The following MACROD2 variants were observed in gnomAD, a reference collection of about 807,000 sequenced individuals.
MACROD2 encodes mono-ADP ribosylhydrolase 2, also known as ADP-ribose glycohydrolase MACROD2.
Under a neutral mutation model 70.4 loss-of-function variants are expected in MACROD2, and 36 were observed. The observed-to-expected ratio is 0.51, with a 90% CI of 0.39 to 0.68. MACROD2 has a LOEUF of 0.68. MACROD2 is among the 30% of genes least tolerant of loss of function. The pLI is 0.00. For synonymous variants in MACROD2, 172 were observed against 178.8 expected (o/e 0.96, Z 0.30); for missense variants, 496 against 538.4 (o/e 0.92, Z 0.78).
chr20:13,997,788 A>C (rs1057167472), intron 1 of MACROD2, among the ~76,000 whole-genome samples: 2 of 152,190 alleles, frequency 1.3e-5, no homozygotes, highest in Non-Finnish European at 2.9e-5. Context: ...CGATACGAAG[A>C]CTTTAATGCA....
chr20:15,648,723 A>ATGGG (rs747562812), intron 8 of MACROD2, among the ~76,000 whole-genome samples: 2 of 149,076 alleles, frequency 1.3e-5, no homozygotes, highest in African/African-American at 4.9e-5. Flanking sequence ...TGGATGGTGG[A>ATGGG]TGGATGGATG....
chr20:15,173,838 T>C (rs572219017), intron 5 of MACROD2, among the ~76,000 whole-genome samples: 1 of 152,330 alleles, frequency 6.6e-6, no homozygotes, highest in Non-Finnish European at 1.5e-5. Context: ...TTACCCCTCA[T>C]GAACTCAAAG....
At chr20:15,580,221 A>G (rs2048504921) in intron 8 of MACROD2, among the ~76,000 whole-genome samples, 1 of 152,186 alleles carries the variant, frequency 6.6e-6, no homozygotes, top group South Asian at 2.1e-4. Flanking sequence ...AAATTTGCCA[A>G]TCTACCTGCA....
At chr20:15,472,033 T>G (rs1242798769) in intron 7 of MACROD2, among the ~76,000 whole-genome samples, 1 of 152,220 alleles carries the variant, frequency 6.6e-6, no homozygotes, top group Admixed American at 6.5e-5. Flanking sequence ...ACATTTACTG[T>G]TTTTACCATC....
At chr20:14,464,377 G>A (rs904645425) in intron 3 of MACROD2, among the ~76,000 whole-genome samples, 3 of 152,062 alleles carry the variant, frequency 2.0e-5, no homozygotes, top group Non-Finnish European at 2.9e-5. Flanking sequence ...GATCAGTGGT[G>A]ATATCCCCTT....
At chr20:14,470,578 A>C (rs569697529) in intron 3 of MACROD2, among the ~76,000 whole-genome samples, 1 of 151,442 alleles carries the variant, frequency 6.6e-6, no homozygotes, top group East Asian at 1.9e-4. Flanking sequence ...TTATCTATAA[A>C]CCCCTGACTG....
At chr20:15,578,816 G>A (rs1437553209) in intron 8 of MACROD2, among the ~76,000 whole-genome samples, 1 of 152,042 alleles carries the variant, frequency 6.6e-6, no homozygotes, top group Non-Finnish European at 1.5e-5. Flanking sequence ...TCAGTGAAAA[G>A]CTAAAACTGA....
intron 4 of MACROD2, among the ~76,000 whole-genome samples, chr20:14,534,321 T>A (rs533271531): frequency 6.6e-6 from 1 of 152,312 alleles, no homozygotes; most frequent in African/African-American, 2.4e-5. Context: ...TATTTGGATT[T>A]TTATTCTTTG....
At chr20:15,201,559 A>T (rs2145929139) in intron 5 of MACROD2, among the ~76,000 whole-genome samples, 1 of 152,362 alleles carries the variant, frequency 6.6e-6, no homozygotes, top group East Asian at 1.9e-4. Flanking sequence ...ATACTGCCCA[A>T]GACCACAGTT....
intron 3 of MACROD2, among the ~76,000 whole-genome samples, chr20:14,416,683 A>G (rs892022319): frequency 6.6e-6 from 1 of 152,128 alleles, no homozygotes; most frequent in African/African-American, 2.4e-5. Context: ...TCATGTTTCA[A>G]TAGATATTGA....
rs909795463 is a variant in MACROD2, at chr20:15,330,974, AT to A, written c.541-100424del. Among the ~76,000 whole-genome samples, 60 of 151,406 alleles carry A rather than the reference AT, an allele frequency of 4.0e-4. 3 individuals are homozygous for A. Among genetic ancestry groups the A allele is most frequent in the African/African-American group, 1.5e-3 (60 of 40,990 alleles). On this transcript the variant is annotated intron_variant, in intron 6 of 17. Coordinates refer to ENST00000684519, the MANE Select transcript of MACROD2 (RefSeq NM_001351661.2). ...AGCCTCTACGTGCACTGCTGTCGTT[AT>A]TTTTTTCTTTGAAAACGGAGGCAAA...
At chr20:15,064,930 A>G (rs2075561885) in intron 5 of MACROD2, among the ~76,000 whole-genome samples, 1 of 152,218 alleles carries the variant, frequency 6.6e-6, no homozygotes, top group Admixed American at 6.5e-5. Flanking sequence ...TTGACAGCCA[A>G]ATAGCACATC....
chr20:15,206,719 A>ATTTTTTTTTTTTTT (rs1568636094), intron 5 of MACROD2, among the ~76,000 whole-genome samples: 1 of 48,130 alleles, frequency 2.1e-5, no homozygotes. Flanking sequence ...CATATTATCT[A>ATTTTTTTTTTTTTT]TGTTTTTTTT....
chr20:14,817,167 G>T (rs2072783422), intron 5 of MACROD2, among the ~76,000 whole-genome samples: 1 of 152,088 alleles, frequency 6.6e-6, no homozygotes, highest in Admixed American at 6.6e-5. Context: ...ATTAATGTTA[G>T]AATTCTTATC....
intron 4 of MACROD2, among the ~76,000 whole-genome samples, chr20:14,506,492 C>T (rs1220606750): frequency 6.6e-6 from 1 of 151,974 alleles, no homozygotes; most frequent in Admixed American, 6.6e-5. Context: ...AGGAGTAACC[C>T]TTGGGAAGCC....
intron 15 of MACROD2, among the ~76,000 whole-genome samples, chr20:16,031,308 C>T (rs1239795582): frequency 6.6e-6 from 1 of 152,080 alleles, no homozygotes; most frequent in African/African-American, 2.4e-5. Context: ...GTTTTCTTCC[C>T]TGAAAAGTTT....
chr20:15,446,031 G>T (rs545970070), intron 7 of MACROD2, among the ~76,000 whole-genome samples: 1 of 152,124 alleles, frequency 6.6e-6, no homozygotes, highest in South Asian at 2.1e-4. Context: ...AGAAAAGAAA[G>T]GATTTGAATT....
At chr20:14,985,091 A>G (rs1213122364) in intron 5 of MACROD2, among the ~76,000 whole-genome samples, 1 of 152,200 alleles carries the variant, frequency 6.6e-6, no homozygotes, top group Non-Finnish European at 1.5e-5. Flanking sequence ...AAGGGGTGGA[A>G]GGAATCAAGC....
chr20:14,369,007 G>A (rs2083298515), intron 3 of MACROD2, among the ~76,000 whole-genome samples: 1 of 152,170 alleles, frequency 6.6e-6, no homozygotes, highest in South Asian at 2.1e-4. Flanking sequence ...TTATTAGCGA[G>A]CATGGGCATG....
Sources: allele counts gnomAD v4.1 joint callset (sites outside exome capture counted in the v4.1 genomes callset), GRCh38; gene constraint gnomAD v4.1.1; transcripts MANE v1.5; gene names NCBI Gene and HGNC (gene_info 2026-07-23, HGNC 2026-07-21).